NUP133: variants seen among roughly 807,000 people sequenced by gnomAD.
NUP133 encodes the protein nuclear pore complex protein Nup133.
In NUP133, 66 loss-of-function variants were observed where a neutral mutation model predicts 146.2. That is an observed-to-expected ratio of 0.45 (90% confidence interval 0.37 to 0.55). The LOEUF is 0.55. Among genes scored for constraint, NUP133 ranks in the 20% least tolerant of loss-of-function variants. NUP133 has a pLI of 0.00. For synonymous variants in NUP133, 521 were observed against 498.8 expected (o/e 1.04, Z -0.59); for missense variants, 1,277 against 1,374.8 (o/e 0.93, Z 1.12).
Position 229,475,624 on chromosome 1 carries a change from C to G in NUP133, c.1851+14G>C. 1 of 1,602,118 alleles carries G rather than the reference C, an allele frequency of 6.2e-7. No homozygotes were observed. The highest frequency in any genetic ancestry group is 8.6e-7 in the Non-Finnish European group (1 of 1,169,070). ...CAAAGGCAGAGCCCTGTGCCCAGCA[C>G]CCTGCGCTCTTACTTGATGAATAAA... On this transcript the variant is annotated intron_variant, in intron 14 of 25. Coordinates refer to ENST00000261396, the MANE Select transcript of NUP133 (RefSeq NM_018230.3).
At chr1:229,450,731 GTTTGTTTT>G (rs1197232078) in intron 22 of NUP133, 126 bp from the exon 23 acceptor site, 7 of 496,630 alleles carry the variant, frequency 1.4e-5, no homozygotes, top group African/African-American at 1.0e-4. Flanking sequence ...TTGTTTGTTT[GTTTGTTTT>G]TTTTGAGACA....
Position 229,441,209 on chromosome 1 carries a change from G to A in NUP133, c.*695C>T. ...ATTCTGAAAATACATGAGGCTGGCT[G>A]AATCCCCACACTGAAAGATTAGAAC... On this transcript the variant is annotated 3_prime_UTR_variant, in exon 26 of 26. Coordinates refer to ENST00000261396, the MANE Select transcript of NUP133 (RefSeq NM_018230.3). 3.0e-6 allele frequency: 1 copy of A among 333,044 alleles called. No homozygotes were observed. 20.6% of individuals were successfully genotyped at this position (333,044 alleles called of 1,614,324 possible).
At chr1:229,490,507 A>G (rs1277010828) in intron 8 of NUP133, among the ~76,000 whole-genome samples, 2 of 152,232 alleles carry the variant, frequency 1.3e-5, no homozygotes, top group Non-Finnish European at 2.9e-5. Flanking sequence ...CTATGACATT[A>G]AGCAAAAGGC....
At chr1:229,445,079 G>T (rs981075704) in intron 24 of NUP133, 77 bp from the exon 25 acceptor site, 56 of 1,089,760 alleles carry the variant, frequency 5.1e-5, no homozygotes, top group African/African-American at 1.4e-4. Flanking sequence ...TGCTATCATG[G>T]TTTTATTTTG....
chr1:229,441,666 A>T lies in NUP133; in HGVS notation c.*238T>A, dbSNP rs972047276. 2.5e-6 allele frequency: 1 copy of T among 407,428 alleles called. No homozygotes were observed. The highest frequency in any genetic ancestry group is 4.5e-6 in the Non-Finnish European group (1 of 221,806). 25.2% of individuals were successfully genotyped at this position (407,428 alleles called of 1,614,324 possible). On this transcript the variant is annotated 3_prime_UTR_variant, in exon 26 of 26. Coordinates refer to ENST00000261396, the MANE Select transcript of NUP133 (RefSeq NM_018230.3). ...TGGGACCACGTGAGAGTAAAAAGAA[A>T]GGGCACCGAGTACAGGAACAACAAC... is the stretch of plus-strand genomic sequence containing the variant.
intron 12 of NUP133, among the ~76,000 whole-genome samples, chr1:229,478,080 T>C (rs1170842562): frequency 1.3e-5 from 2 of 152,126 alleles, no homozygotes; most frequent in Non-Finnish European, 2.9e-5. Context: ...TTATTACGCA[T>C]TGTATGCCCG....
At chr1:229,502,157 A>G (rs1400688168) in intron 2 of NUP133, 55 bp from the exon 3 acceptor site, 10 of 1,319,684 alleles carry the variant, frequency 7.6e-6, no homozygotes, top group Non-Finnish European at 1.1e-5. Flanking sequence ...CTTTATTACC[A>G]CACGCTTTAT....
chr1:229,484,680 ATGGT>A (rs1661303912), intron 11 of NUP133, among the ~76,000 whole-genome samples: 1 of 152,242 alleles, frequency 6.6e-6, no homozygotes, highest in Non-Finnish European at 1.5e-5. Context: ...CCTAAGCATA[ATGGT>A]TGATTACAAA....
intron 12 of NUP133, among the ~76,000 whole-genome samples, chr1:229,480,431 G>A (rs571461783): frequency 5.1e-4 from 77 of 152,222 alleles, no homozygotes; most frequent in Middle Eastern, 3.4e-3. Context: ...AAAAATTACA[G>A]AAAAAGTTCC....
At chr1:229,463,447 T>C (rs1359627460) in intron 19 of NUP133, 96 bp downstream of exon 19, 5 of 1,316,200 alleles carry the variant, frequency 3.8e-6, no homozygotes, top group African/African-American at 1.5e-5. Flanking sequence ...GATCGTATCA[T>C]ATTCCAAAAG....
chr1:229,507,795 T>G (rs1661983282), intron 1 of NUP133: 1 of 423,222 alleles, frequency 2.4e-6, no homozygotes, highest in South Asian at 9.8e-5. Context: ...GGGTAGTAGG[T>G]GGGAAGTAGG....
At chr1:229,453,724 TTA>T (rs1399294624) in intron 21 of NUP133, among the ~76,000 whole-genome samples, 2 of 152,220 alleles carry the variant, frequency 1.3e-5, no homozygotes, top group African/African-American at 2.4e-5. Context: ...ACAGTATGTA[TTA>T]GTTAATTCTG....
At chr1:229,489,811 G>A in intron 9 of NUP133, 144 bp downstream of exon 9, 2 of 580,602 alleles carry the variant, frequency 3.4e-6, no homozygotes, top group Non-Finnish European at 5.4e-6. Flanking sequence ...GGGAGACAGA[G>A]GTTGCAGTGA....
Position 229,508,285 on chromosome 1 carries a change from C to G in NUP133, c.-36G>C, listed in dbSNP as rs1392521170. 2.1e-6 allele frequency: 3 copies of G among 1,396,664 alleles called. No homozygotes were observed. The highest frequency in any genetic ancestry group is 1.9e-4 in the Middle Eastern group (1 of 5,342). 86.5% of individuals were successfully genotyped at this position (1,396,664 alleles called of 1,614,324 possible). ...AGCAGCGACTAGGACAGCGAGGGATCTGGCCGTCAGGTTGCAGCCTGGCCT... is the reference window on the plus strand; with the variant it reads ...AGCAGCGACTAGGACAGCGAGGGATGTGGCCGTCAGGTTGCAGCCTGGCCT... On this transcript the variant is annotated 5_prime_UTR_variant, in exon 1 of 26. Coordinates refer to ENST00000261396, the MANE Select transcript of NUP133 (RefSeq NM_018230.3).
At chr1:229,447,074 A>ATT (rs1660318289) in intron 24 of NUP133, among the ~76,000 whole-genome samples, 1 of 152,174 alleles carries the variant, frequency 6.6e-6, no homozygotes, top group Non-Finnish European at 1.5e-5. Context: ...TGGTGAGCCG[A>ATT]GACTGTGCCA....
At chr1:229,481,458 C>T (rs61824303) in intron 12 of NUP133, among the ~76,000 whole-genome samples, 305 of 152,218 alleles carry the variant, frequency 2.0e-3, no homozygotes, top group Non-Finnish European at 3.7e-3. Context: ...CCTGTAATCC[C>T]AGCACTCTGG....
intron 13 of NUP133, among the ~76,000 whole-genome samples, chr1:229,476,784 C>T (rs1359191874): frequency 1.3e-5 from 2 of 151,896 alleles, no homozygotes; most frequent in Non-Finnish European, 2.9e-5. Flanking sequence ...ATTAGCTGGG[C>T]ATGGTGGTGC....
In NUP133 at chr1:229,466,712, C is replaced by T. The variant is rs758851197; in HGVS notation, c.2121G>A (p.Glu707=). 7.4e-6 allele frequency: 12 copies of T among 1,613,880 alleles called. No individual in the cohort carries two copies. Among genetic ancestry groups the T allele is most frequent in the Non-Finnish European group, 1.0e-5 (12 of 1,179,928 alleles). Residue 707 remains glutamate (E), a synonymous_variant, in exon 16 of 26, where the codon GAG becomes GAA. Transcript: ENST00000261396. The part of the protein sequence containing the change: ...DTICECLLEH[E]EQVLRDAPMD... Reference sequence around the variant, plus strand: ...TAGGTGCATCCCTCAAGACTTGCTCCTCATGCTCCAGTAAGCACTCACAGA... The same window carrying T: ...TAGGTGCATCCCTCAAGACTTGCTCTTCATGCTCCAGTAAGCACTCACAGA...
chr1:229,457,886 A>AGTTC, intron 21 of NUP133, among the ~76,000 whole-genome samples: 1 of 152,324 alleles, frequency 6.6e-6, no homozygotes, highest in African/African-American at 2.4e-5. Flanking sequence ...TGCCCTTGGA[A>AGTTC]TATTTATCAC....
Sources: gnomAD v4.1 joint callset for allele counts (sites outside exome capture counted in the v4.1 genomes callset) on GRCh38, gnomAD v4.1.1 for gene constraint, MANE v1.5 for transcripts, NCBI Gene and HGNC (gene_info 2026-07-23, HGNC 2026-07-21) for gene names.